The following ENDOD1 variants were observed in gnomAD, a reference collection of about 807,000 sequenced individuals.
ENDOD1 encodes endonuclease domain-containing 1 protein.
A neutral mutation model predicts 6.5 loss-of-function variants in ENDOD1; 9 were observed. The observed-to-expected ratio is 1.39, with a 90% CI of 0.84 to 2.43. The LOEUF (loss-of-function observed/expected upper bound fraction) is 2.43. Ranked by LOEUF, ENDOD1 falls within the 30% of genes most tolerant of loss-of-function variation. The pLI, the probability that ENDOD1 is intolerant of heterozygous loss-of-function variation, is 0.00. For synonymous variants in ENDOD1, 255 were observed against 255.2 expected (o/e 1.00, Z 0.01); for missense variants, 648 against 635.5 (o/e 1.02, Z -0.21).
At chr11:95,105,143 C>T (rs1555111308) in intron 1 of ENDOD1, among the ~76,000 whole-genome samples, 1 of 152,154 alleles carries the variant, frequency 6.6e-6, no homozygotes, top group East Asian at 1.9e-4. Flanking sequence ...CAGTCAGGGG[C>T]CTGGCTGGAA....
chr11:95,129,459 C>T lies in ENDOD1; in HGVS notation c.1383C>T (p.Gly461=), dbSNP rs1175530005. ...AGGACATTGCACTGGGCCTTGGTGGCACTGTCTCACTGCTCTTTGACACTG... is the reference window on the plus strand; with the variant it reads ...AGGACATTGCACTGGGCCTTGGTGGTACTGTCTCACTGCTCTTTGACACTG... ...VCKDIALGLG[G]TVSLLFDTAF... The change falls in exon 2 of 2, where the codon GGC becomes GGT. Residue 461 remains glycine (G), a synonymous_variant. Coordinates refer to ENST00000278505, the MANE Select transcript of ENDOD1 (RefSeq NM_015036.3). 1.2e-6 allele frequency: 2 copies of T among 1,614,088 alleles called. No homozygotes were observed. The highest frequency in any genetic ancestry group is 2.7e-5 in the African/African-American group (2 of 74,916).
intron 1 of ENDOD1, 122 bp downstream of exon 1, chr11:95,090,349 T>C: frequency 1.6e-6 from 2 of 1,270,954 alleles, no homozygotes; most frequent in Non-Finnish European, 2.0e-6. Flanking sequence ...CTTCGGTGCC[T>C]TGGGCCAAGA....
At chr11:95,118,290 A>G (rs1859230132) in intron 1 of ENDOD1, among the ~76,000 whole-genome samples, 1 of 152,182 alleles carries the variant, frequency 6.6e-6, no homozygotes, top group Non-Finnish European at 1.5e-5. Context: ...TTGCTCATTA[A>G]CATCCTTTTC....
rs1242842286 is a variant in ENDOD1 at position 95,129,366 on chromosome 11, T to C, written c.1290T>C (p.Pro430=). 1.9e-6 allele frequency: 3 copies of C among 1,614,084 alleles called. No individual in the cohort carries two copies. The highest frequency in any genetic ancestry group is 1.7e-5 in the Admixed American group (1 of 60,006). ...LKAICRVLSI[P]VRVLVDVATF... ...CCATTTGCCGAGTTCTGAGCATCCC[T>C]GTCCGTGTCCTTGTGGATGTGGCCA... Residue 430 remains proline, a synonymous_variant, in exon 2 of 2, where the codon CCT becomes CCC. Coordinates refer to ENST00000278505, the MANE Select transcript of ENDOD1 (RefSeq NM_015036.3).
At chr11:95,104,649 A>G (rs1352281703) in intron 1 of ENDOD1, among the ~76,000 whole-genome samples, 5 of 152,178 alleles carry the variant, frequency 3.3e-5, no homozygotes, top group Admixed American at 3.3e-4. Context: ...AACTTATCCA[A>G]GCTTACTCAA....
rs536438961 is a variant in ENDOD1, at chr11:95,129,119, A to G, written c.1043A>G (p.Tyr348Cys). 5.6e-6 allele frequency: 9 copies of G among 1,614,110 alleles called. No homozygotes were observed. In the South Asian group the frequency reaches 8.8e-5, roughly 16 times the overall value. Residue 348 changes from tyrosine (Y) to cysteine (C), a missense_variant, in exon 2 of 2, where the codon TAC (tyrosine) becomes TGC (cysteine). By Grantham distance (194) the Tyr-to-Cys change is radical. Transcript: ENST00000278505. The part of the protein sequence containing the change: ...PFIKLFQLIY[Y>C]LVVAILKNIV... ...ATCAAGCTTTTTCAATTAATTTATT[A>G]CCTTGTGGTAGCAATCCTGAAGAAC...
At position 95,090,075 on chromosome 11, in the gene ENDOD1, G is replaced by A; in HGVS notation, c.148G>A (p.Asp50Asn). 6.2e-7 allele frequency: 1 copy of A among 1,602,014 alleles called. No individual in the cohort carries two copies. Among genetic ancestry groups the A allele is most frequent in the South Asian group, 1.1e-5 (1 of 88,710 alleles). The change falls in exon 1 of 2, where the codon GAT becomes AAT. Residue 50 changes from aspartate (D) to asparagine (N), a missense_variant. Physicochemically the swap from Asp to Asn is conservative, Grantham distance 23 (BLOSUM62 1). Coordinates refer to ENST00000278505, the MANE Select transcript of ENDOD1 (RefSeq NM_015036.3). ...GACCCCGCCTGCGGGGCTGGCGGCC[G>A]ATTCCCACGTGAAGATCTGTCAGCG... is the stretch of plus-strand genomic sequence containing the variant. ...AGTPPAGLAA[D>N]SHVKICQRAE...
At chr11:95,125,971 G>T (rs941278091) in intron 1 of ENDOD1, among the ~76,000 whole-genome samples, 2 of 152,114 alleles carry the variant, frequency 1.3e-5, no homozygotes, top group Non-Finnish European at 2.9e-5. Context: ...TAATGGGATG[G>T]CTGGGTCAAA....
At chr11:95,107,321 G>A (rs1461874886) in intron 1 of ENDOD1, among the ~76,000 whole-genome samples, 1 of 149,616 alleles carries the variant, frequency 6.7e-6, no homozygotes, top group Non-Finnish European at 1.5e-5. Context: ...GCGAGAGAGC[G>A]AGACTCAGTC....
chr11:95,103,098 T>A (rs1440397199), intron 1 of ENDOD1, among the ~76,000 whole-genome samples: 1 of 137,588 alleles, frequency 7.3e-6, no homozygotes, highest in Non-Finnish European at 1.6e-5. Context: ...CTAGGCAGAG[T>A]GGGTGTGTGT....
chr11:95,107,133 G>A (rs1318038532), intron 1 of ENDOD1, among the ~76,000 whole-genome samples: 2 of 151,940 alleles, frequency 1.3e-5, no homozygotes, highest in Admixed American at 1.3e-4. Flanking sequence ...AGAATCACCT[G>A]GGGAAATTTA....
intron 1 of ENDOD1, among the ~76,000 whole-genome samples, chr11:95,116,335 A>G (rs908804767): frequency 6.6e-6 from 1 of 152,074 alleles, no homozygotes; most frequent in African/African-American, 2.4e-5. Flanking sequence ...GTACAGTTCT[A>G]ATGTCTCCTT....
intron 1 of ENDOD1, among the ~76,000 whole-genome samples, chr11:95,097,979 T>A (rs1859002742): frequency 6.6e-6 from 1 of 151,990 alleles, no homozygotes; most frequent in South Asian, 2.1e-4. Flanking sequence ...GGACCAGAAG[T>A]GTTTCAGTTT....
At chr11:95,110,919 T>C (rs544544014) in intron 1 of ENDOD1, among the ~76,000 whole-genome samples, 1 of 152,284 alleles carries the variant, frequency 6.6e-6, no homozygotes, top group Admixed American at 6.5e-5. Flanking sequence ...GGAACTCCCT[T>C]GTCCCTGTCA....
chr11:95,111,789 T>A lies in ENDOD1; in HGVS notation c.301-16588T>A, dbSNP rs117226873. On this transcript the variant is annotated intron_variant, in intron 1 of 1. Coordinates refer to ENST00000278505, the MANE Select transcript of ENDOD1 (RefSeq NM_015036.3). ...CCAGTACTGGTCCATGGCCCTGGGG[T>A]TGGAGACCCCTGCTTTAGAGCTTCA... Among the ~76,000 whole-genome samples the A allele has an allele frequency of 1.4e-3, 212 of 152,234 alleles. 1 individual carries two copies. Among genetic ancestry groups the A allele is most frequent in the Middle Eastern group, 6.8e-3 (2 of 294 alleles).
chr11:95,107,503 T>C (rs1841522162), intron 1 of ENDOD1, among the ~76,000 whole-genome samples: 1 of 152,152 alleles, frequency 6.6e-6, no homozygotes, highest in South Asian at 2.1e-4. Context: ...CTCTGAATTC[T>C]GTACCACACA....
chr11:95,106,816 A>G (rs1195257394), intron 1 of ENDOD1, among the ~76,000 whole-genome samples: 1 of 139,210 alleles, frequency 7.2e-6, no homozygotes, highest in African/African-American at 3.1e-5. Context: ...TGAGGTTCAT[A>G]GACACCCCCC....
intron 1 of ENDOD1, among the ~76,000 whole-genome samples, chr11:95,127,308 AT>A (rs201551204): frequency 6.6e-6 from 1 of 152,156 alleles, no homozygotes; most frequent in Non-Finnish European, 1.5e-5. Context: ...ATAATATTGA[AT>A]TTTTTTATAA....
chr11:95,109,913 G>A (rs1381812328), intron 1 of ENDOD1, among the ~76,000 whole-genome samples: 1 of 152,252 alleles, frequency 6.6e-6, no homozygotes, highest in Non-Finnish European at 1.5e-5. Flanking sequence ...GCAGGGACAA[G>A]GCTGCCAGGG....
Sources: allele counts gnomAD v4.1 joint callset (sites outside exome capture counted in the v4.1 genomes callset), GRCh38; gene constraint gnomAD v4.1.1; transcripts MANE v1.5; gene names NCBI Gene and HGNC (gene_info 2026-07-23, HGNC 2026-07-21).